Variants in HPCAL1 observed in about 807,000 individuals in gnomAD.
HPCAL1 encodes hippocalcin like 1, also known as hippocalcin-like protein 1.
A neutral mutation model predicts 17.1 loss-of-function variants in HPCAL1; 8 were observed. The ratio of observed to expected loss-of-function variants is 0.47; its 90% CI spans 0.27 to 0.84. The LOEUF is 0.84. Ranked by LOEUF, HPCAL1 falls within the 40% of genes least tolerant of loss-of-function variation. The pLI is 0.13. For synonymous variants in HPCAL1, 112 were observed against 111.4 expected (o/e 1.01, Z -0.03); for missense variants, 165 against 271.1 (o/e 0.61, Z 2.75).
intron 1 of HPCAL1, chr2:10,368,575 T>C (rs1016220360): frequency 6.6e-6 from 1 of 152,232 alleles, no homozygotes; most frequent in Non-Finnish European, 1.5e-5. Flanking sequence ...TCAGTGCAGT[T>C]CGTCCACATT....
At chr2:10,306,197 A>G (rs2125373759) in intron 1 of HPCAL1, among the ~76,000 whole-genome samples, 1 of 152,236 alleles carries the variant, frequency 6.6e-6, no homozygotes, top group East Asian at 1.9e-4. Context: ...TTTGTATTAA[A>G]ATTTTGCATT....
intron 2 of HPCAL1, among the ~76,000 whole-genome samples, chr2:10,409,717 T>A (rs1670210825): frequency 6.6e-6 from 1 of 150,944 alleles, no homozygotes; most frequent in South Asian, 2.1e-4. Flanking sequence ...CTGAGCCCTC[T>A]GATTCCTTGA....
At chr2:10,417,859 T>C (rs1183431592) in intron 2 of HPCAL1, among the ~76,000 whole-genome samples, 1 of 150,352 alleles carries the variant, frequency 6.7e-6, no homozygotes, top group Non-Finnish European at 1.5e-5. Context: ...CTGGGCAAAA[T>C]AGTGAGGCCC....
Position 10,384,500 on chromosome 2 carries a change from G to A in HPCAL1, c.-110-12335G>A, listed in dbSNP as rs1668182232. Among the ~76,000 whole-genome samples the A allele has an allele frequency of 1.3e-5, 2 of 152,086 alleles. No homozygotes were observed. Among genetic ancestry groups the A allele is most frequent in the African/African-American group, 4.8e-5 (2 of 41,432 alleles). On this transcript the variant is annotated intron_variant, in intron 1 of 4. Transcript: ENST00000307845. This position sits in a 1 kb window ranked among gnomAD's most constrained non-coding sequence, Gnocchi z 4.4. ...TGCTTGGTGCACGGTGCTGTGCTGG[G>A]CACTGGGGCAAGGCCCCCTCCCCCA...
Position 10,373,410 on chromosome 2 carries a change from G to A in HPCAL1, c.-110-23425G>A, listed in dbSNP as rs567598506. ...AGACATGAGGGGGTCACAGACGCCC[G>A]GAAGCATCGGCATCATCAGATCATC... On this transcript the variant is annotated intron_variant, in intron 1 of 4. Coordinates refer to ENST00000307845, the MANE Select transcript of HPCAL1 (RefSeq NM_002149.4). Among the ~76,000 whole-genome samples the A allele has an allele frequency of 4.6e-5, 7 of 152,204 alleles. No individual in the cohort carries two copies. The South Asian group carries it at 8.3e-4, about 18-fold the overall frequency.
intron 1 of HPCAL1, among the ~76,000 whole-genome samples, chr2:10,389,019 C>T (rs771321860): frequency 6.6e-6 from 1 of 152,086 alleles, no homozygotes; most frequent in Admixed American, 6.6e-5. Flanking sequence ...AGGCGGGACT[C>T]GACTCCAGAG....
intron 2 of HPCAL1, among the ~76,000 whole-genome samples, chr2:10,404,230 G>A (rs2125596739): frequency 6.6e-6 from 1 of 152,184 alleles, no homozygotes; most frequent in Non-Finnish European, 1.5e-5. Flanking sequence ...TCTGGGACTG[G>A]AAGGAGCTCC....
Position 10,362,870 on chromosome 2 carries a change from T to C in HPCAL1, c.-110-33965T>C, listed in dbSNP as rs1283520084. Among the ~76,000 whole-genome samples, 1 of 152,140 alleles carries C rather than the reference T, an allele frequency of 6.6e-6. No homozygotes were observed. On this transcript the variant is annotated intron_variant, in intron 1 of 4. Coordinates refer to ENST00000307845, the MANE Select transcript of HPCAL1 (RefSeq NM_002149.4). The surrounding 1 kb of genome is among the most constrained non-coding windows in gnomAD (Gnocchi z 5.0). ...TGTTAGAGAGGGTGAGTTTGGACCATTCCTGAGCAGAGGGGGACCTCAGAG... is the reference window on the plus strand; with the variant it reads ...TGTTAGAGAGGGTGAGTTTGGACCACTCCTGAGCAGAGGGGGACCTCAGAG...
At chr2:10,381,742 T>C (rs897538444) in intron 1 of HPCAL1, among the ~76,000 whole-genome samples, 5 of 152,200 alleles carry the variant, frequency 3.3e-5, no homozygotes, top group African/African-American at 1.2e-4. Flanking sequence ...CCGATGAGAA[T>C]GGCCCAAATC....
chr2:10,399,391 CCACCAT>C (rs1669362387), intron 2 of HPCAL1, among the ~76,000 whole-genome samples: 2 of 60,216 alleles, frequency 3.3e-5, no homozygotes, highest in Non-Finnish European at 3.7e-5. Flanking sequence ...ACCACCACCA[CCACCAT>C]CACCACCACC....
intron 2 of HPCAL1, among the ~76,000 whole-genome samples, chr2:10,404,875 G>A (rs1669877814): frequency 1.3e-5 from 2 of 152,084 alleles, no homozygotes; most frequent in African/African-American, 4.8e-5. Flanking sequence ...TGTGCCGAGC[G>A]AGAAGGGCTC....
rs1300689959 is a variant in HPCAL1 at position 10,344,476 on chromosome 2, T to C, written c.-111+41299T>C. On this transcript the variant is annotated intron_variant, in intron 1 of 4. Transcript: ENST00000307845. The surrounding 1 kb of genome is among the most constrained non-coding windows in gnomAD (Gnocchi z 4.9). ...AAGCGGCGATTCCATAGTTGTATAG[T>C]GATTGTCTTTATGGAACTCCAGAAT... 6.6e-6 allele frequency among the ~76,000 whole-genome samples: 1 copy of C among 152,206 alleles called. No individual in the cohort carries two copies. The highest frequency in any genetic ancestry group is 1.9e-4 in the East Asian group (1 of 5,200).
intron 1 of HPCAL1, among the ~76,000 whole-genome samples, chr2:10,346,526 G>A (rs1273292223): frequency 6.6e-6 from 1 of 152,108 alleles, no homozygotes; most frequent in Non-Finnish European, 1.5e-5. Context: ...AACCCTCTAG[G>A]TCTCCGTGCA....
At chr2:10,411,464 TG>T (rs1028156757) in intron 2 of HPCAL1, among the ~76,000 whole-genome samples, 7 of 152,198 alleles carry the variant, frequency 4.6e-5, no homozygotes, top group Admixed American at 4.6e-4. Context: ...CTACAGGGAC[TG>T]GGCCTCCTGC....
chr2:10,375,485 T>C (rs1179993848), intron 1 of HPCAL1, among the ~76,000 whole-genome samples: 1 of 152,132 alleles, frequency 6.6e-6, no homozygotes, highest in African/African-American at 2.4e-5. Flanking sequence ...CGACCACCAC[T>C]CCCATTTCGT....
rs548885382 is a variant in HPCAL1 at position 10,310,964 on chromosome 2, G to C, written c.-111+7787G>C. ...ATTTGCTGCCCTGTAATCAATTTTT[G>C]GAGAGAAGTGAGAACCTCTCGAAAT... is the stretch of plus-strand genomic sequence containing the variant. On this transcript the variant is annotated intron_variant, in intron 1 of 4. Transcript: ENST00000307845. This position sits in a 1 kb window ranked among gnomAD's most constrained non-coding sequence, Gnocchi z 4.5. Among the ~76,000 whole-genome samples, 1 of 152,120 alleles carries C rather than the reference G, an allele frequency of 6.6e-6. No homozygotes were observed. The highest frequency in any genetic ancestry group is 1.9e-4 in the East Asian group (1 of 5,172).
intron 1 of HPCAL1, among the ~76,000 whole-genome samples, chr2:10,372,934 A>C (rs545667429): frequency 1.3e-5 from 2 of 152,264 alleles, no homozygotes; most frequent in East Asian, 3.9e-4. Flanking sequence ...GGCCTCCATG[A>C]CTTCAGCCCC....
In HPCAL1 at chr2:10,323,692, G is replaced by A. The variant is rs1278781398; in HGVS notation, c.-111+20515G>A. 2.0e-5 allele frequency among the ~76,000 whole-genome samples: 3 copies of A among 152,200 alleles called. No homozygotes were observed. Among genetic ancestry groups the A allele is most frequent in the East Asian group, 3.9e-4 (2 of 5,194 alleles). On this transcript the variant is annotated intron_variant, in intron 1 of 4. Coordinates refer to ENST00000307845, the MANE Select transcript of HPCAL1 (RefSeq NM_002149.4). This position sits in a 1 kb window ranked among gnomAD's most constrained non-coding sequence, Gnocchi z 4.6. ...CCAGCACTGTCCTACTGCTTTATAC[G>A]CATGACCTCAGGTAATGAGAATTAG...
At chr2:10,368,834 T>A (rs1415085995) in intron 1 of HPCAL1, 1 of 152,208 alleles carries the variant, frequency 6.6e-6, no homozygotes, top group African/African-American at 2.4e-5. Context: ...TTTCAGGAAT[T>A]GAATTACCGA....
Sources: gnomAD v4.1 joint callset for allele counts (sites outside exome capture counted in the v4.1 genomes callset) on GRCh38, gnomAD v4.1.1 for gene constraint, Gnocchi (gnomAD v3.1) non-coding constraint, MANE v1.5 for transcripts, NCBI Gene and HGNC (gene_info 2026-07-23, HGNC 2026-07-21) for gene names.